Variants in STKLD1 observed in about 807,000 individuals in gnomAD.
STKLD1 encodes serine/threonine kinase like domain containing 1, also known as serine/threonine kinase-like domain-containing protein STKLD1.
Under a neutral mutation model 80.4 loss-of-function variants are expected in STKLD1, and 79 were observed. That is an observed-to-expected ratio of 0.98 (90% CI 0.82 to 1.19). The LOEUF is 1.19. Among genes scored for constraint, STKLD1 ranks in the 50% most tolerant of loss-of-function variants. STKLD1 has a pLI of 0.00. For synonymous variants in STKLD1, 393 were observed against 357.6 expected, an observed-to-expected ratio of 1.10 and a Z score of -1.12; for missense variants, 841 against 856.0, an observed-to-expected ratio of 0.98 and a Z score of 0.22.
In STKLD1 at chr9:133,398,583, A is replaced by C. The variant is rs143258861; in HGVS notation, c.1081+528A>C. On this transcript the variant is annotated intron_variant, in intron 11 of 17. Transcript: ENST00000371957. ...TGCTTGAGCCCAGGGATTTGAGACC[A>C]GCCTGGGCAACAAAGGGAGAGCCCA... 6.2e-3 allele frequency among the ~76,000 whole-genome samples: 941 copies of C among 152,324 alleles called. 3 individuals are homozygous for C. Among genetic ancestry groups the C allele is most frequent in the Non-Finnish European group, 0.01 (689 of 68,026 alleles).
At position 133,405,447 on chromosome 9, in the gene STKLD1, C is replaced by A; in HGVS notation, c.*26C>A. 6.3e-7 allele frequency: 1 copy of A among 1,578,864 alleles called. No homozygotes were observed. Among genetic ancestry groups the A allele is most frequent in the Non-Finnish European group, 8.6e-7 (1 of 1,167,328 alleles). On this transcript the variant is annotated 3_prime_UTR_variant, in exon 18 of 18. Transcript: ENST00000371957. ...ATGTTTGTATGGAACTGACCTTGATCTCCACGTGTATAGTTTTCAAGACTG... is the reference window on the plus strand; with the variant it reads ...ATGTTTGTATGGAACTGACCTTGATATCCACGTGTATAGTTTTCAAGACTG...
rs782734023 is a variant in STKLD1 at position 133,394,356 on chromosome 9, A to G, written c.649A>G (p.Ile217Val). 6.2e-6 allele frequency: 10 copies of G among 1,613,702 alleles called. No individual in the cohort carries two copies. Among genetic ancestry groups the G allele is most frequent in the Non-Finnish European group, 8.5e-7 (1 of 1,179,938 alleles). Residue 217 changes from isoleucine (I) to valine (V), a missense_variant, in exon 8 of 18, where the codon ATC (isoleucine) becomes GTC (valine). Physicochemically the swap from Ile to Val is conservative, Grantham distance 29 (BLOSUM62 3). Transcript: ENST00000371957. The surrounding 1 kb of genome is among the most constrained non-coding windows in gnomAD (Gnocchi z 4.9). ...LNFSFSQKSD[I>V]WSLGCIILDM... ...CTTCTCCTTCAGCCAGAAATCAGAC[A>G]TCTGGTCCCTGGGCTGCATCATTCT...
At chr9:133,400,020 A>G (rs890937241) in intron 11 of STKLD1, among the ~76,000 whole-genome samples, 1 of 152,062 alleles carries the variant, frequency 6.6e-6, no homozygotes, top group African/African-American at 2.4e-5. Context: ...AGCCCACAAC[A>G]GTTTCTGGCA....
At position 133,394,034 on chromosome 9, in the gene STKLD1, C is replaced by T. The variant is rs920550216; in HGVS notation, c.584-257C>T. 2 of 496,978 alleles carry T rather than the reference C, an allele frequency of 4.0e-6. No individual in the cohort carries two copies. Among genetic ancestry groups the T allele is most frequent in the Non-Finnish European group, 3.6e-6 (1 of 274,640 alleles). 30.8% of individuals were successfully genotyped at this position (496,978 alleles called of 1,614,324 possible). On this transcript the variant is annotated intron_variant, in intron 7 of 17. Coordinates refer to ENST00000371957, the MANE Select transcript of STKLD1 (RefSeq NM_153710.5). The surrounding 1 kb of genome is among the most constrained non-coding windows in gnomAD (Gnocchi z 4.9). The stretch of plus-strand genomic sequence containing the variant: ...CACACAGACACACCACCTATATGGG[C>T]CAGCCTGGTGGGCACCCACCAAGAT...
intron 2 of STKLD1, among the ~76,000 whole-genome samples, chr9:133,382,981 ATGATGGTGGTCGTGGTGTGATGG>A (rs1228373108): frequency 7.5e-6 from 1 of 133,256 alleles, no homozygotes; most frequent in Non-Finnish European, 1.6e-5. Flanking sequence ...TGGTGTGATG[ATGATGGTGGTCGTGGTGTGATGG>A]TGATGGTGGT....
chr9:133,395,582 T>C lies in STKLD1; in HGVS notation c.703-18T>C. On this transcript the variant is annotated intron_variant, in intron 8 of 17. Coordinates refer to ENST00000371957, the MANE Select transcript of STKLD1 (RefSeq NM_153710.5). The stretch of plus-strand genomic sequence containing the variant: ...ATTTACTTAAGGGAATACACAGAGC[T>C]GTCCTCTCTCCGTGCAGGGCACAGA... 6.2e-7 allele frequency: 1 copy of C among 1,611,878 alleles called. No homozygotes were observed. Among genetic ancestry groups the C allele is most frequent in the Non-Finnish European group, 8.5e-7 (1 of 1,179,408 alleles).
At position 133,405,263 on chromosome 9, in the gene STKLD1, C is replaced by T; in HGVS notation, c.1885C>T (p.Pro629Ser). Reference protein sequence around the residue: ...VHLASYEEILPELVSSSMKAL... With the variant: ...VHLASYEEILSELVSSSMKAL... ...TGCTCCACCTGCAGAGGAGATCCTG[C>T]CGGAGCTGGTGTCCAGTAGTATGAA... Residue 629 changes from proline to serine, a missense_variant, in exon 18 of 18, where the codon CCG becomes TCG. Physicochemically the swap from Pro to Ser is moderately conservative, Grantham distance 74. Coordinates refer to ENST00000371957, the MANE Select transcript of STKLD1 (RefSeq NM_153710.5). 2 of 1,606,070 alleles carry T rather than the reference C, an allele frequency of 1.2e-6. No homozygotes were observed. The highest frequency in any genetic ancestry group is 2.2e-5 in the South Asian group (2 of 90,330).
rs145293709 is a variant in STKLD1 at position 133,399,477 on chromosome 9, G to A, written c.1082-936G>A. ...GACCAGGACAGAGTCCCTGGGAAGA[G>A]AGACTTTGCCTCCCTGGGGAAACTA... is the stretch of plus-strand genomic sequence containing the variant. On this transcript the variant is annotated intron_variant, in intron 11 of 17. Transcript: ENST00000371957. 3.0e-4 allele frequency among the ~76,000 whole-genome samples: 45 copies of A among 152,354 alleles called. 1 individual carries two copies. The highest frequency in any genetic ancestry group is 9.6e-4 in the African/African-American group (40 of 41,564).
At chr9:133,401,192 G>A (rs929376734) in intron 12 of STKLD1, among the ~76,000 whole-genome samples, 28 of 149,056 alleles carry the variant, frequency 1.9e-4, no homozygotes, top group Admixed American at 3.3e-4. Context: ...CCAGGCGAGT[G>A]CAGTGGCGCA....
chr9:133,396,917 C>T (rs939448374), intron 9 of STKLD1, among the ~76,000 whole-genome samples: 2 of 152,190 alleles, frequency 1.3e-5, no homozygotes, highest in Admixed American at 6.5e-5. Context: ...CCCGGACTGT[C>T]CCCCAGCTCT....
chr9:133,392,571 A>ATGAG, intron 7 of STKLD1, among the ~76,000 whole-genome samples: 1 of 118,048 alleles, frequency 8.5e-6, no homozygotes. Flanking sequence ...GGATGAATGG[A>ATGAG]TGGATGGATG....
intron 16 of STKLD1, among the ~76,000 whole-genome samples, 176 bp downstream of exon 16, chr9:133,404,224 C>G (rs879676860): frequency 6.6e-6 from 1 of 152,240 alleles, no homozygotes; most frequent in Admixed American, 6.5e-5. Context: ...AAGACTTTCA[C>G]GCACACTTGA....
At chr9:133,401,144 T>C (rs1364962286) in intron 12 of STKLD1, among the ~76,000 whole-genome samples, 20 of 102,568 alleles carry the variant, frequency 1.9e-4, no homozygotes, top group African/African-American at 3.9e-4. Flanking sequence ...ATTTAGTTAC[T>C]TTTTTTTTTT....
rs1838608250 is a variant in STKLD1 at position 133,398,067 on chromosome 9, C to T, written c.1081+12C>T. 1.2e-6 allele frequency: 2 copies of T among 1,611,980 alleles called. No homozygotes were observed. The highest frequency in any genetic ancestry group is 1.7e-6 in the Non-Finnish European group (2 of 1,178,736). ...TGCAGATCAGCTAGGTAGGCCCCAC[C>T]CTGCACCCCTTTCCCAGCTGCTCCC... On this transcript the variant is annotated intron_variant, in intron 11 of 17. Coordinates refer to ENST00000371957, the MANE Select transcript of STKLD1 (RefSeq NM_153710.5).
At chr9:133,405,128 C>G in intron 17 of STKLD1, 124 bp from the exon 18 acceptor site, 1 of 1,347,896 alleles carries the variant, frequency 7.4e-7, no homozygotes, top group Non-Finnish European at 1.0e-6. Flanking sequence ...GGCTCCGGAA[C>G]TGCAAGGTGG....
intron 7 of STKLD1, among the ~76,000 whole-genome samples, chr9:133,391,207 CCAGA>C (rs1344033236): frequency 6.7e-6 from 1 of 150,178 alleles, no homozygotes; most frequent in Non-Finnish European, 1.5e-5. Context: ...GCCCCCCCGC[CCAGA>C]CAGCCGCCCT....
In STKLD1 at chr9:133,384,019, C is replaced by G; in HGVS notation, c.219+119C>G. On this transcript the variant is annotated intron_variant, in intron 3 of 17. Transcript: ENST00000371957. This position sits in a 1 kb window ranked among gnomAD's most constrained non-coding sequence, Gnocchi z 4.3. ...AAGGCTGGAGGGAGGGATAGAGCATCAGCACCAGTTTTGCCTCAGCTGTGA... is the reference window on the plus strand; with the variant it reads ...AAGGCTGGAGGGAGGGATAGAGCATGAGCACCAGTTTTGCCTCAGCTGTGA... The G allele has an allele frequency of 1.0e-6, 1 of 1,001,842 alleles. No homozygotes were observed. The highest frequency in any genetic ancestry group is 1.6e-6 in the Non-Finnish European group (1 of 644,234). 62.1% of individuals were successfully genotyped at this position (1,001,842 alleles called of 1,614,324 possible).
Position 133,402,756 on chromosome 9 carries a change from T to C in STKLD1, c.1340-122T>C, listed in dbSNP as rs1838741159. The C allele has an allele frequency of 2.7e-6, 3 of 1,130,684 alleles. No homozygotes were observed. The South Asian group carries it at 4.9e-5, about 18-fold the overall frequency. 70.0% of individuals were successfully genotyped at this position (1,130,684 alleles called of 1,614,324 possible). Reference sequence around the variant, plus strand: ...CAGGGCTCCATTGAGTGCACACGACTTGGCCCAGAGCAGGCACCTAGGATT... The same window carrying C: ...CAGGGCTCCATTGAGTGCACACGACCTGGCCCAGAGCAGGCACCTAGGATT... On this transcript the variant is annotated intron_variant, in intron 13 of 17. Coordinates refer to ENST00000371957, the MANE Select transcript of STKLD1 (RefSeq NM_153710.5).
intron 5 of STKLD1, chr9:133,388,627 T>C (rs1588742855): frequency 6.5e-6 from 3 of 458,974 alleles, no homozygotes; most frequent in African/African-American, 4.2e-5. Flanking sequence ...CTGACTCTTA[T>C]GGTTAGTGCC....
Sources: gnomAD v4.1 joint callset for allele counts (sites outside exome capture counted in the v4.1 genomes callset) on GRCh38, gnomAD v4.1.1 for gene constraint, Gnocchi (gnomAD v3.1) non-coding constraint, MANE v1.5 for transcripts, NCBI Gene and HGNC (gene_info 2026-07-23, HGNC 2026-07-21) for gene names.